RGS7: variants seen among roughly 807,000 people sequenced by gnomAD.
RGS7 encodes regulator of G protein signaling 7.
In RGS7, 27 loss-of-function variants were observed where a neutral mutation model predicts 81.1. The ratio of observed to expected loss-of-function variants is 0.33; its 90% CI spans 0.25 to 0.46. The LOEUF is 0.46. Ranked by LOEUF, RGS7 falls within the 20% of genes least tolerant of loss-of-function variation. The pLI, the probability that RGS7 is intolerant of heterozygous loss-of-function variation, is 1.00. For missense variants in RGS7, 396 were observed against 607.4 expected (o/e 0.65, Z 3.66); for synonymous variants, 208 against 207.7 (o/e 1.00, Z -0.01).
At chr1:241,236,380 C>T (rs575906635) in intron 2 of RGS7, among the ~76,000 whole-genome samples, 1 of 152,258 alleles carries the variant, frequency 6.6e-6, no homozygotes, top group South Asian at 2.1e-4. Flanking sequence ...AGCCATAAAG[C>T]AAATTGACAG....
chr1:241,024,806 G>A (rs892188225), intron 3 of RGS7, among the ~76,000 whole-genome samples: 2 of 152,094 alleles, frequency 1.3e-5, no homozygotes, highest in African/African-American at 2.4e-5. Flanking sequence ...GATAATTCAG[G>A]CCTGTTTTGT....
chr1:241,114,154 G>T (rs1312125851), intron 2 of RGS7, among the ~76,000 whole-genome samples: 1 of 152,116 alleles, frequency 6.6e-6, no homozygotes, highest in Non-Finnish European at 1.5e-5. Flanking sequence ...CTCAGCAGTA[G>T]TAAGTCCAAA....
chr1:241,231,028 A>C (rs945492265), intron 2 of RGS7, among the ~76,000 whole-genome samples: 1 of 152,102 alleles, frequency 6.6e-6, no homozygotes, highest in African/African-American at 2.4e-5. Context: ...GTTTCCCTTG[A>C]CTAGTCTAGA....
At chr1:241,169,936 A>T (rs1258457042) in intron 2 of RGS7, among the ~76,000 whole-genome samples, 1 of 151,964 alleles carries the variant, frequency 6.6e-6, no homozygotes, top group Non-Finnish European at 1.5e-5. Context: ...CTGAGAACAG[A>T]TAGCTGCAGC....
In RGS7 at chr1:241,128,044, T is replaced by A. The variant is rs998166944; in HGVS notation, c.79-29282A>T. 2.5e-4 allele frequency among the ~76,000 whole-genome samples: 37 copies of A among 148,804 alleles called. 1 individual carries two copies. The highest frequency in any genetic ancestry group is 4.7e-4 in the Admixed American group (7 of 14,964). On this transcript the variant is annotated intron_variant, in intron 2 of 18. Coordinates refer to ENST00000440928, the MANE Select transcript of RGS7 (RefSeq NM_001364886.1). ...CTGTAATTCCAGCACTTTGGGAGGC[T>A]GAGGTGGGTGGATCACGAGGTCAGG...
At chr1:241,275,497 T>C (rs962339482) in intron 2 of RGS7, among the ~76,000 whole-genome samples, 1 of 152,192 alleles carries the variant, frequency 6.6e-6, no homozygotes, top group Admixed American at 6.5e-5. Flanking sequence ...TCCTATGACT[T>C]GATTCTTTAG....
chr1:241,344,989 C>T (rs1307400266), intron 2 of RGS7, among the ~76,000 whole-genome samples: 2 of 152,178 alleles, frequency 1.3e-5, no homozygotes, highest in South Asian at 2.1e-4. Flanking sequence ...AACATAAATG[C>T]CCATTAATAA....
At chr1:240,985,182 A>C (rs184955019) in intron 3 of RGS7, among the ~76,000 whole-genome samples, 1 of 152,360 alleles carries the variant, frequency 6.6e-6, no homozygotes, top group African/African-American at 2.4e-5. Flanking sequence ...ATATACATGT[A>C]GTGATCCTTG....
intron 9 of RGS7, among the ~76,000 whole-genome samples, chr1:240,856,565 T>G (rs1661165889): frequency 6.6e-6 from 1 of 152,196 alleles, no homozygotes; most frequent in African/African-American, 2.4e-5. Context: ...ATGAATAGTA[T>G]AGTTAGAAAA....
chr1:240,891,507 TTAAG>T (rs1358672618), intron 6 of RGS7, among the ~76,000 whole-genome samples: 31 of 152,298 alleles, frequency 2.0e-4, no homozygotes, highest in East Asian at 7.7e-4. Context: ...TTAAAATATA[TTAAG>T]TAAGAAATTA....
chr1:241,076,170 C>A (rs553408479), intron 3 of RGS7, among the ~76,000 whole-genome samples: 1 of 152,124 alleles, frequency 6.6e-6, no homozygotes, highest in African/African-American at 2.4e-5. Flanking sequence ...TGCAACGTGG[C>A]TTATTCTCTT....
At chr1:240,890,213 C>T (rs139126375) in intron 6 of RGS7, among the ~76,000 whole-genome samples, 1 of 152,088 alleles carries the variant, frequency 6.6e-6, no homozygotes, top group Admixed American at 6.5e-5. Context: ...AGGGCAGTGG[C>T]GCAATCTCGG....
At position 240,942,632 on chromosome 1, in the gene RGS7, G is replaced by A. The variant is rs1234331661; in HGVS notation, c.227-5926C>T. 2.0e-5 allele frequency among the ~76,000 whole-genome samples: 3 copies of A among 152,094 alleles called. No individual in the cohort carries two copies. The East Asian group carries it at 5.8e-4, about 29-fold the overall frequency. ...AGAAAATCTAAAAAGAAAAAAGATG[G>A]CAGCTGATTATATTAAGGAAACAGA... On this transcript the variant is annotated intron_variant, in intron 4 of 18. Coordinates refer to ENST00000440928, the MANE Select transcript of RGS7 (RefSeq NM_001364886.1).
At chr1:240,846,404 G>A (rs1055602122) in intron 9 of RGS7, among the ~76,000 whole-genome samples, 2 of 152,136 alleles carry the variant, frequency 1.3e-5, no homozygotes, top group Non-Finnish European at 2.9e-5. Flanking sequence ...GCTGTGAGGA[G>A]TATACAGGAT....
intron 2 of RGS7, among the ~76,000 whole-genome samples, chr1:241,137,374 C>T (rs1010530436): frequency 5.9e-5 from 9 of 152,028 alleles, no homozygotes; most frequent in Non-Finnish European, 1.2e-4. Context: ...CAACACTGAA[C>T]CTATTATTAA....
chr1:241,200,933 C>T (rs77300852), intron 2 of RGS7, among the ~76,000 whole-genome samples: 1 of 152,170 alleles, frequency 6.6e-6, no homozygotes, highest in African/African-American at 2.4e-5. Context: ...TTTTTCTCCC[C>T]AACTCCAGTC....
intron 2 of RGS7, among the ~76,000 whole-genome samples, chr1:241,140,332 G>C (rs1225546093): frequency 1.3e-5 from 2 of 152,178 alleles, no homozygotes; most frequent in African/African-American, 4.8e-5. Flanking sequence ...GGTTAGAGAT[G>C]GTAAGGGCTG....
chr1:240,911,563 G>C (rs207461322), intron 6 of RGS7, among the ~76,000 whole-genome samples: 1 of 152,108 alleles, frequency 6.6e-6, no homozygotes, highest in African/African-American at 2.4e-5. Context: ...CCAATCTCTT[G>C]TCTTTACTTT....
intron 4 of RGS7, among the ~76,000 whole-genome samples, chr1:240,944,276 G>GTA (rs1678149163): frequency 1.1e-4 from 2 of 18,842 alleles, no homozygotes; most frequent in African/African-American, 3.1e-4. Flanking sequence ...GTGTGTGTGT[G>GTA]TGTGTGTATA....
Sources: gnomAD v4.1 joint callset for allele counts (sites outside exome capture counted in the v4.1 genomes callset) on GRCh38, gnomAD v4.1.1 for gene constraint, MANE v1.5 for transcripts, NCBI Gene and HGNC (gene_info 2026-07-23, HGNC 2026-07-21) for gene names.